OPCML: variants seen among roughly 807,000 people sequenced by gnomAD.
OPCML encodes the protein opioid binding protein/cell adhesion molecule like, also known as opioid-binding protein/cell adhesion molecule.
Under a neutral mutation model 37.8 loss-of-function variants are expected in OPCML, and 13 were observed. The ratio of observed to expected loss-of-function variants is 0.34; its 90% CI spans 0.22 to 0.55. OPCML has a LOEUF of 0.55. OPCML is among the 20% of genes least tolerant of loss of function. The pLI is 0.91. For synonymous variants in OPCML, 176 were observed against 168.8 expected (o/e 1.04, Z -0.33); for missense variants, 341 against 435.6 (o/e 0.78, Z 1.93).
chr11:132,574,890 TTC>T (rs1488330137), intron 3 of OPCML, among the ~76,000 whole-genome samples: 1 of 152,012 alleles, frequency 6.6e-6, no homozygotes, highest in East Asian at 1.9e-4. Flanking sequence ...TGTTGTCTGT[TTC>T]TCCTCTCAGT....
chr11:133,530,345 C>A (rs1948579848), intron 1 of OPCML, among the ~76,000 whole-genome samples: 1 of 152,236 alleles, frequency 6.6e-6, no homozygotes, highest in African/African-American at 2.4e-5. Context: ...CCCCGCCTTG[C>A]TTTCTAAAGT....
chr11:132,649,058 G>A (rs775050498), intron 3 of OPCML, among the ~76,000 whole-genome samples: 16 of 152,110 alleles, frequency 1.1e-4, no homozygotes, highest in Non-Finnish European at 1.8e-4. Flanking sequence ...CTGTGTGAGC[G>A]TGTGTGTGGA....
intron 4 of OPCML, among the ~76,000 whole-genome samples, chr11:132,478,641 C>A (rs1187763992): frequency 1.3e-5 from 2 of 152,310 alleles, no homozygotes; most frequent in East Asian, 1.9e-4. Flanking sequence ...TTTCCACTTA[C>A]CATTTAATGA....
At chr11:133,484,987 T>C (rs1947497007) in intron 1 of OPCML, among the ~76,000 whole-genome samples, 1 of 152,110 alleles carries the variant, frequency 6.6e-6, no homozygotes, top group African/African-American at 2.4e-5. Context: ...CAGCAAATAT[T>C]ATATGAAATT....
At chr11:133,398,230 C>T (rs558752179) in intron 1 of OPCML, among the ~76,000 whole-genome samples, 1 of 152,334 alleles carries the variant, frequency 6.6e-6, no homozygotes, top group South Asian at 2.1e-4. Flanking sequence ...GTGATGTTTT[C>T]AAGCCTCGTC....
intron 1 of OPCML, among the ~76,000 whole-genome samples, chr11:133,384,247 C>CAAAAAAAAAAAAAAAAAAAAAAAAA: frequency 1.4e-5 from 1 of 71,248 alleles, no homozygotes; most frequent in African/African-American, 4.6e-5. Flanking sequence ...GGCCACTGTG[C>CAAAAAAAAAAAAAAAAAAAAAAAAA]AAAAAAAAAA....
At chr11:132,916,806 C>G (rs1286782418) in intron 2 of OPCML, among the ~76,000 whole-genome samples, 1 of 152,180 alleles carries the variant, frequency 6.6e-6, no homozygotes, top group Admixed American at 6.5e-5. Context: ...CTGCCTCCTC[C>G]CTTCACAGAG....
chr11:132,688,170 T>G (rs544131044), intron 2 of OPCML, among the ~76,000 whole-genome samples: 2,761 of 144,698 alleles, frequency 0.019, 71 homozygotes, highest in African/African-American at 0.068. Context: ...GAATCATGGT[T>G]TTTTTTTTTT....
At chr11:132,583,825 G>T (rs920847390) in intron 3 of OPCML, among the ~76,000 whole-genome samples, 1 of 151,570 alleles carries the variant, frequency 6.6e-6, no homozygotes, top group Non-Finnish European at 1.5e-5. Flanking sequence ...TGTTGGTCAG[G>T]CTGGTCTCAA....
chr11:133,168,364 G>A (rs140652583), intron 1 of OPCML, among the ~76,000 whole-genome samples: 143 of 152,246 alleles, frequency 9.4e-4, no homozygotes, highest in African/African-American at 3.3e-3. Context: ...AAAAAGAGGA[G>A]TGGGGAAGGT....
At chr11:133,319,801 G>A (rs1416141732) in intron 1 of OPCML, among the ~76,000 whole-genome samples, 1 of 152,166 alleles carries the variant, frequency 6.6e-6, no homozygotes, top group African/African-American at 2.4e-5. Context: ...ACAGCTGGCA[G>A]CTCCTGAGGT....
intron 1 of OPCML, among the ~76,000 whole-genome samples, chr11:133,518,839 T>A (rs1279217953): frequency 7.3e-6 from 1 of 136,274 alleles, no homozygotes; most frequent in Non-Finnish European, 1.5e-5. Flanking sequence ...GGAAGATCTG[T>A]GGCAGCCACT....
At chr11:133,418,071 A>T in intron 1 of OPCML, 1 of 985,378 alleles carries the variant, frequency 1.0e-6, no homozygotes, top group South Asian at 4.7e-5. Flanking sequence ...ACACAGTGCT[A>T]CTTACAAAGT....
intron 2 of OPCML, among the ~76,000 whole-genome samples, chr11:132,814,653 C>T (rs1381681151): frequency 6.6e-6 from 1 of 152,218 alleles, no homozygotes; most frequent in Admixed American, 6.5e-5. Context: ...GAGACACTTT[C>T]ACAGACCCAC....
rs144071010 is a variant in OPCML at position 133,011,486 on chromosome 11, T to C, written c.62-68476A>G. ...CTTTTAGGTTCCCGAGATTCCATGA[T>C]TTTACCCAGAGTTGACATGCTATAA... On this transcript the variant is annotated intron_variant, in intron 1 of 7. Transcript: ENST00000524381. 4.2e-3 allele frequency among the ~76,000 whole-genome samples: 642 copies of C among 152,312 alleles called. 4 individuals are homozygous for C. Among genetic ancestry groups the C allele is most frequent in the African/African-American group, 0.014 (598 of 41,568 alleles).
At chr11:132,937,976 C>T (rs1403508911) in intron 2 of OPCML, among the ~76,000 whole-genome samples, 3 of 151,862 alleles carry the variant, frequency 2.0e-5, no homozygotes, top group Non-Finnish European at 4.4e-5. Context: ...ATTCAACTGT[C>T]CCCTCTGGCA....
At chr11:132,763,093 C>A (rs1014771608) in intron 2 of OPCML, among the ~76,000 whole-genome samples, 1 of 152,054 alleles carries the variant, frequency 6.6e-6, no homozygotes, top group Non-Finnish European at 1.5e-5. Flanking sequence ...TTGTGCTTCC[C>A]GGGTGAGGCG....
At chr11:132,541,386 G>C (rs2096356001) in intron 3 of OPCML, among the ~76,000 whole-genome samples, 1 of 152,278 alleles carries the variant, frequency 6.6e-6, no homozygotes, top group South Asian at 2.1e-4. Flanking sequence ...CTGCAGAACA[G>C]CATAGTGATC....
At chr11:132,892,697 G>T (rs1943698042) in intron 2 of OPCML, among the ~76,000 whole-genome samples, 1 of 152,202 alleles carries the variant, frequency 6.6e-6, no homozygotes, top group South Asian at 2.1e-4. Flanking sequence ...AACCTGGGAG[G>T]CAGAGGGTGC....
Sources: allele counts gnomAD v4.1 joint callset (sites outside exome capture counted in the v4.1 genomes callset), GRCh38; gene constraint gnomAD v4.1.1; transcripts MANE v1.5; gene names NCBI Gene and HGNC (gene_info 2026-07-23, HGNC 2026-07-21).